UVRAG: variants seen among roughly 807,000 people sequenced by gnomAD.
UVRAG encodes UV radiation resistance associated.
In UVRAG, 19 loss-of-function variants were observed where a neutral mutation model predicts 78.0. The observed-to-expected ratio is 0.24, with a 90% CI of 0.17 to 0.36. The LOEUF (loss-of-function observed/expected upper bound fraction) is 0.36, where lower values mean the gene tolerates loss of function less well. Among genes scored for constraint, UVRAG ranks in the 10% least tolerant of loss-of-function variants. The pLI is 1.00. For missense variants in UVRAG, 740 were observed against 853.8 expected (o/e 0.87, Z 1.66); for synonymous variants, 323 against 324.6 (o/e 1.00, Z 0.05).
chr11:76,105,836 A>G (rs1032346683), intron 13 of UVRAG, among the ~76,000 whole-genome samples: 2 of 152,254 alleles, frequency 1.3e-5, no homozygotes, highest in Non-Finnish European at 2.9e-5. Flanking sequence ...AACTGACAGT[A>G]TCAAGTGCTG....
At chr11:75,949,490 T>C (rs1379339472) in intron 6 of UVRAG, among the ~76,000 whole-genome samples, 1 of 152,046 alleles carries the variant, frequency 6.6e-6, no homozygotes, top group Non-Finnish European at 1.5e-5. Context: ...AACAGATCTT[T>C]ATATTCAACT....
intron 3 of UVRAG, among the ~76,000 whole-genome samples, chr11:75,877,304 C>T (rs1484897198): frequency 1.3e-5 from 2 of 152,188 alleles, no homozygotes; most frequent in African/African-American, 4.8e-5. Flanking sequence ...CCACCTTTCC[C>T]CGCTTTCTAT....
chr11:75,905,715 A>G lies in UVRAG; in HGVS notation c.508-6239A>G, dbSNP rs550036413. On this transcript the variant is annotated intron_variant, in intron 5 of 14. Transcript: ENST00000356136. ...TTTGTTTATTCATGTCTGTTGATAGACATTTGTGTTGTTTCTCTTTTTTTG... is the reference window on the plus strand; with the variant it reads ...TTTGTTTATTCATGTCTGTTGATAGGCATTTGTGTTGTTTCTCTTTTTTTG... Among the ~76,000 whole-genome samples, 3 of 152,200 alleles carry G rather than the reference A, an allele frequency of 2.0e-5. No individual in the cohort carries two copies. The South Asian group carries it at 6.2e-4, about 32-fold the overall frequency.
intron 14 of UVRAG, among the ~76,000 whole-genome samples, chr11:76,121,087 T>C (rs1952265618): frequency 3.3e-5 from 5 of 152,366 alleles, no homozygotes; most frequent in Admixed American, 2.0e-4. Flanking sequence ...TTCAAAGTTA[T>C]GTGACAGCTT....
intron 13 of UVRAG, among the ~76,000 whole-genome samples, chr11:76,104,332 G>A (rs1951933799): frequency 6.6e-6 from 1 of 152,256 alleles, no homozygotes; most frequent in East Asian, 1.9e-4. Flanking sequence ...CGAGTTCAAA[G>A]TGCTAGGATT....
intron 6 of UVRAG, among the ~76,000 whole-genome samples, chr11:75,949,795 A>G (rs1462454516): frequency 6.6e-6 from 1 of 151,076 alleles, no homozygotes; most frequent in Non-Finnish European, 1.5e-5. Flanking sequence ...ACACACACAC[A>G]TATACACACA....
intron 5 of UVRAG, among the ~76,000 whole-genome samples, chr11:75,893,304 C>A (rs1467977871): frequency 6.6e-6 from 1 of 151,758 alleles, no homozygotes; most frequent in Non-Finnish European, 1.5e-5. Context: ...AGACTTGGGC[C>A]TTCTGGCCAC....
chr11:75,826,380 C>T (rs1945512286), intron 1 of UVRAG, among the ~76,000 whole-genome samples: 1 of 152,052 alleles, frequency 6.6e-6, no homozygotes, highest in Non-Finnish European at 1.5e-5. Context: ...TGGTCTCAAA[C>T]TCCTGACCTC....
intron 3 of UVRAG, among the ~76,000 whole-genome samples, chr11:75,870,753 TA>T (rs1179875739): frequency 1.3e-5 from 2 of 152,328 alleles, no homozygotes; most frequent in South Asian, 2.1e-4. Context: ...AAAAATAGTT[TA>T]ATTACTTTTT....
At chr11:75,822,607 A>C (rs1945417527) in intron 1 of UVRAG, among the ~76,000 whole-genome samples, 1 of 151,286 alleles carries the variant, frequency 6.6e-6, no homozygotes, top group Admixed American at 6.6e-5. Flanking sequence ...CCTCAGGCTC[A>C]GTCATTTACT....
rs369237148 is a variant in UVRAG at position 75,972,810 on chromosome 11, A to G, written c.700-10577A>G. On this transcript the variant is annotated intron_variant, in intron 7 of 14. Coordinates refer to ENST00000356136, the MANE Select transcript of UVRAG (RefSeq NM_003369.4). ...AAAATAATTTGATGGATAATTGGAT[A>G]ATTTGATTCCACTTGTTCATTGCTG... is the stretch of plus-strand genomic sequence containing the variant. Among the ~76,000 whole-genome samples the G allele has an allele frequency of 4.4e-4, 67 of 152,300 alleles. 2 individuals carry two copies. The South Asian group carries it at 0.014, about 31-fold the overall frequency.
At chr11:75,864,543 A>G (rs1235790728) in intron 3 of UVRAG, among the ~76,000 whole-genome samples, 1 of 152,256 alleles carries the variant, frequency 6.6e-6, no homozygotes, top group East Asian at 1.9e-4. Flanking sequence ...CAACAGCAGA[A>G]TTGGTTGGTT....
At chr11:76,008,508 A>C (rs941536879) in intron 10 of UVRAG, among the ~76,000 whole-genome samples, 2 of 152,210 alleles carry the variant, frequency 1.3e-5, no homozygotes, top group Non-Finnish European at 2.9e-5. Flanking sequence ...TTGCTTATAG[A>C]ATCTTATTAA....
intron 3 of UVRAG, among the ~76,000 whole-genome samples, chr11:75,877,504 G>A (rs868187043): frequency 2.8e-5 from 4 of 143,562 alleles, no homozygotes; most frequent in South Asian, 2.2e-4. Context: ...CTGGCTGGGC[G>A]GGGGGTGACC....
chr11:76,110,429 A>G (rs1356832626), intron 13 of UVRAG, among the ~76,000 whole-genome samples: 4 of 152,196 alleles, frequency 2.6e-5, no homozygotes, highest in Non-Finnish European at 2.9e-5. Context: ...AAGTGACAGT[A>G]CTGGTATTCA....
At chr11:76,016,180 C>T (rs1311095537) in intron 11 of UVRAG, among the ~76,000 whole-genome samples, 1 of 152,110 alleles carries the variant, frequency 6.6e-6, no homozygotes, top group East Asian at 1.9e-4. Flanking sequence ...GTTGCTTCCA[C>T]CTATATTACA....
At chr11:76,046,765 G>C (rs944222952) in intron 12 of UVRAG, among the ~76,000 whole-genome samples, 6 of 152,106 alleles carry the variant, frequency 3.9e-5, no homozygotes, top group Admixed American at 6.5e-5. Flanking sequence ...CGAGAAACAG[G>C]AATAAAAGGA....
chr11:76,138,431 G>T (rs1952638441), intron 14 of UVRAG, among the ~76,000 whole-genome samples: 1 of 152,214 alleles, frequency 6.6e-6, no homozygotes, highest in East Asian at 1.9e-4. Context: ...TCACATTGTA[G>T]TTGGCAAGGT....
intron 1 of UVRAG, among the ~76,000 whole-genome samples, chr11:75,823,889 A>G (rs1344492195): frequency 6.6e-6 from 1 of 152,214 alleles, no homozygotes; most frequent in Admixed American, 6.5e-5. Context: ...TAAAGAGAAC[A>G]AGGAAAGATT....
Sources: allele counts gnomAD v4.1 joint callset (sites outside exome capture counted in the v4.1 genomes callset), GRCh38; gene constraint gnomAD v4.1.1; transcripts MANE v1.5; gene names NCBI Gene and HGNC (gene_info 2026-07-23, HGNC 2026-07-21).